SNX13: variants seen among roughly 807,000 people sequenced by gnomAD.
SNX13 encodes sorting nexin-13.
SNX13 carries 45 observed loss-of-function variants against 133.6 expected under a neutral mutation model. That is an observed-to-expected ratio of 0.34 (90% CI 0.27 to 0.43). The LOEUF is 0.43. Among genes scored for constraint, SNX13 ranks in the 20% least tolerant of loss-of-function variants. The pLI is 1.00. For missense variants in SNX13, 1,032 were observed against 1,145.1 expected (o/e 0.90, Z 1.43); for synonymous variants, 414 against 373.9 (o/e 1.11, Z -1.24).
chr7:17,868,595 T>C (rs1213354219), intron 8 of SNX13, 105 bp from the exon 9 acceptor site: 6 of 787,538 alleles, frequency 7.6e-6, no homozygotes, highest in Non-Finnish European at 1.2e-5. Flanking sequence ...AAGTATGATA[T>C]ACATGTAACT....
chr7:17,924,241 T>G (rs10231837), intron 1 of SNX13, among the ~76,000 whole-genome samples: 2,812 of 152,300 alleles, frequency 0.018, 91 homozygotes, highest in African/African-American at 0.063. Context: ...ATCTGATTAA[T>G]AGACTTCTAC....
At chr7:17,876,833 G>T (rs752842437) in intron 5 of SNX13, among the ~76,000 whole-genome samples, 8 of 151,800 alleles carry the variant, frequency 5.3e-5, no homozygotes, top group Non-Finnish European at 1.2e-4. Flanking sequence ...CTTGGATTGG[G>T]TGATTTTTTA....
Position 17,791,185 on chromosome 7 carries a change from C to T in SNX13, c.*2860G>A, listed in dbSNP as rs1054573888. 9 of 151,952 alleles carry T rather than the reference C, an allele frequency of 5.9e-5. No homozygotes were observed. Among genetic ancestry groups the T allele is most frequent in the East Asian group, 1.9e-4 (1 of 5,198 alleles). 9.4% of individuals were successfully genotyped at this position (151,952 alleles called of 1,614,324 possible). On this transcript the variant is annotated 3_prime_UTR_variant, in exon 26 of 26. Coordinates refer to ENST00000428135, the MANE Select transcript of SNX13 (RefSeq NM_015132.5). Reference sequence around the variant, plus strand: ...AAAAATTAAAAATTCATTTATCTTACAATTACTCAAATACACATGCATTAA... The same window carrying T: ...AAAAATTAAAAATTCATTTATCTTATAATTACTCAAATACACATGCATTAA...
chr7:17,842,108 CG>C (rs1342143141), intron 12 of SNX13, among the ~76,000 whole-genome samples: 1 of 151,768 alleles, frequency 6.6e-6, no homozygotes, highest in Non-Finnish European at 1.5e-5. Context: ...AAGAAAGGCA[CG>C]AATATAAACA....
At chr7:17,939,205 T>C (rs56287412) in intron 1 of SNX13, among the ~76,000 whole-genome samples, 60,009 of 152,070 alleles carry the variant, frequency 0.39, 13,990 homozygotes, top group Non-Finnish European at 0.5. Context: ...GCCACTCACC[T>C]ACAAATGTTT....
At chr7:17,830,683 T>C (rs1788390617) in intron 15 of SNX13, 2 of 981,580 alleles carry the variant, frequency 2.0e-6, no homozygotes, top group Non-Finnish European at 2.4e-6. Context: ...ATTATTAACA[T>C]TAATGTCAAA....
intron 11 of SNX13, among the ~76,000 whole-genome samples, chr7:17,848,427 C>T (rs954216595): frequency 2.6e-5 from 4 of 152,182 alleles, no homozygotes; most frequent in Non-Finnish European, 5.9e-5. Flanking sequence ...TGGCCCTGTG[C>T]CCTCACTGAT....
Position 17,940,419 on chromosome 7 carries a change from G to T in SNX13, c.-124C>A. ...CTGCTCCTTCAGTCTTCTCCCGGGC[G>T]GCGGTTTTACTCGGCTTCGCTGGCC... On this transcript the variant is annotated 5_prime_UTR_variant, in exon 1 of 26. Coordinates refer to ENST00000428135, the MANE Select transcript of SNX13 (RefSeq NM_015132.5). 1 of 1,197,976 alleles carries T rather than the reference G, an allele frequency of 8.3e-7. No individual in the cohort carries two copies. The highest frequency in any genetic ancestry group is 1.2e-6 in the Non-Finnish European group (1 of 832,230). 74.2% of individuals were successfully genotyped at this position (1,197,976 alleles called of 1,614,324 possible).
chr7:17,860,397 T>C (rs774441735), intron 9 of SNX13, among the ~76,000 whole-genome samples: 2 of 152,224 alleles, frequency 1.3e-5, no homozygotes, highest in South Asian at 2.1e-4. Flanking sequence ...TAATCGGATA[T>C]ATGGCTTGCA....
intron 1 of SNX13, among the ~76,000 whole-genome samples, chr7:17,917,081 T>C (rs73312112): frequency 0.021 from 3,232 of 152,212 alleles, 126 homozygotes; most frequent in African/African-American, 0.072. Flanking sequence ...ATCACCTCAA[T>C]ATATTCAGAA....
chr7:17,900,630 A>G (rs1797720341), intron 1 of SNX13, among the ~76,000 whole-genome samples: 1 of 152,064 alleles, frequency 6.6e-6, no homozygotes, highest in Non-Finnish European at 1.5e-5. Context: ...CCTGGCTACC[A>G]ACGTTCATTA....
intron 17 of SNX13, among the ~76,000 whole-genome samples, chr7:17,822,403 T>C (rs1787399898): frequency 6.6e-6 from 1 of 152,164 alleles, no homozygotes; most frequent in African/African-American, 2.4e-5. Context: ...AAGTTAATAG[T>C]GAGTCTCTTC....
At chr7:17,844,143 T>C (rs1023790409) in intron 12 of SNX13, among the ~76,000 whole-genome samples, 1 of 151,982 alleles carries the variant, frequency 6.6e-6, no homozygotes, top group Non-Finnish European at 1.5e-5. Flanking sequence ...TAGTTGATTC[T>C]TTGAAAAGAG....
intron 21 of SNX13, among the ~76,000 whole-genome samples, chr7:17,802,366 G>A (rs894739696): frequency 6.6e-6 from 1 of 152,098 alleles, no homozygotes; most frequent in Non-Finnish European, 1.5e-5. Context: ...ACCATAAAGA[G>A]CTTTTGATAT....
chr7:17,865,429 T>C (rs1793270042), intron 9 of SNX13, among the ~76,000 whole-genome samples: 1 of 151,906 alleles, frequency 6.6e-6, no homozygotes, highest in Admixed American at 6.6e-5. Context: ...ACCAAGGAAG[T>C]AAAAGATGTC....
At chr7:17,826,933 T>C (rs1239910344) in intron 16 of SNX13, among the ~76,000 whole-genome samples, 1 of 152,084 alleles carries the variant, frequency 6.6e-6, no homozygotes, top group Non-Finnish European at 1.5e-5. Context: ...TCGGATGGAA[T>C]ATGGGAACTT....
In SNX13 at chr7:17,940,310, G is replaced by A; in HGVS notation, c.-15C>T. 1 of 1,565,646 alleles carries A rather than the reference G, an allele frequency of 6.4e-7. No individual in the cohort carries two copies. The highest frequency in any genetic ancestry group is 1.2e-5 in the South Asian group (1 of 84,832). On this transcript the variant is annotated 5_prime_UTR_variant, in exon 1 of 26. Transcript: ENST00000428135. Reference sequence around the variant, plus strand: ...TCAGTTAACATTATTACACCCCGGGGAAGTGAGGTCCTCCCTAGCCTCGCC... The same window carrying A: ...TCAGTTAACATTATTACACCCCGGGAAAGTGAGGTCCTCCCTAGCCTCGCC...
intron 20 of SNX13, among the ~76,000 whole-genome samples, chr7:17,814,514 A>G (rs1325681041): frequency 1.3e-5 from 2 of 152,154 alleles, no homozygotes; most frequent in African/African-American, 4.8e-5. Context: ...TTCCAAGTAA[A>G]TGACATTTTC....
chr7:17,883,267 T>C (rs187145977), intron 5 of SNX13, among the ~76,000 whole-genome samples: 31 of 152,216 alleles, frequency 2.0e-4, no homozygotes, highest in Middle Eastern at 3.4e-3. Flanking sequence ...ACACATAAAG[T>C]ATAGTCATCA....
Sources: allele counts gnomAD v4.1 joint callset (sites outside exome capture counted in the v4.1 genomes callset), GRCh38; gene constraint gnomAD v4.1.1; transcripts MANE v1.5; gene names NCBI Gene and HGNC (gene_info 2026-07-23, HGNC 2026-07-21).